The following NREP variants were observed in gnomAD, a reference collection of about 807,000 sequenced individuals.
NREP encodes neuronal regeneration related protein.
A neutral mutation model predicts 8.6 loss-of-function variants in NREP; 5 were observed. The ratio of observed to expected loss-of-function variants is 0.58; its 90% CI spans 0.30 to 1.22. The LOEUF (loss-of-function observed/expected upper bound fraction) is 1.22, where lower values mean the gene tolerates loss of function less well. Ranked by LOEUF, NREP falls within the 50% of genes most tolerant of loss-of-function variation. The pLI, the probability that NREP is intolerant of heterozygous loss-of-function variation, is 0.07. For missense variants in NREP, 86 were observed against 82.5 expected, an observed-to-expected ratio of 1.04 and a Z score of -0.17; for synonymous variants, 27 against 28.0, an observed-to-expected ratio of 0.96 and a Z score of 0.11.
chr5:111,814,302 A>G (rs1343911917), intron 2 of NREP, among the ~76,000 whole-genome samples: 1 of 152,154 alleles, frequency 6.6e-6, no homozygotes, highest in African/African-American at 2.4e-5. Flanking sequence ...AAATTTTCAA[A>G]TGTTTAATCA....
intron 2 of NREP, among the ~76,000 whole-genome samples, chr5:111,823,507 T>C (rs1752555452): frequency 6.6e-6 from 1 of 152,198 alleles, no homozygotes; most frequent in Non-Finnish European, 1.5e-5. Flanking sequence ...AAGAAAAATG[T>C]CCAGTTGTTA....
At chr5:111,766,194 T>A (rs189005151) in intron 2 of NREP, among the ~76,000 whole-genome samples, 1 of 152,362 alleles carries the variant, frequency 6.6e-6, no homozygotes, top group East Asian at 1.9e-4. Context: ...CTAGTCATTT[T>A]TTTTAAACAC....
At chr5:111,933,213 G>A (rs1182852412) in intron 2 of NREP, among the ~76,000 whole-genome samples, 2 of 152,020 alleles carry the variant, frequency 1.3e-5, no homozygotes, top group African/African-American at 4.8e-5. Context: ...CATGCCTATG[G>A]TTCTCTGTCT....
At chr5:111,808,023 TTC>T (rs1395145562) in intron 2 of NREP, among the ~76,000 whole-genome samples, 1 of 152,210 alleles carries the variant, frequency 6.6e-6, no homozygotes, top group Non-Finnish European at 1.5e-5. Context: ...AAATGACTTT[TTC>T]TCCTGCTTTA....
intron 2 of NREP, among the ~76,000 whole-genome samples, chr5:111,930,220 G>T (rs1445104370): frequency 6.6e-6 from 1 of 152,150 alleles, no homozygotes; most frequent in East Asian, 1.9e-4. Context: ...ACAGAGAGGA[G>T]ATGAGATATA....
chr5:111,939,654 C>T (rs1755777254), intron 2 of NREP, among the ~76,000 whole-genome samples: 1 of 152,046 alleles, frequency 6.6e-6, no homozygotes, highest in Non-Finnish European at 1.5e-5. Flanking sequence ...TTACCGTAAA[C>T]AAGTGTCCTT....
At chr5:111,907,423 C>G (rs959156305) in intron 2 of NREP, among the ~76,000 whole-genome samples, 3 of 152,026 alleles carry the variant, frequency 2.0e-5, no homozygotes, top group African/African-American at 7.2e-5. Flanking sequence ...GTTCCAGCAA[C>G]ATTTTTTGAA....
At chr5:111,964,818 G>A (rs775408686) in intron 2 of NREP, among the ~76,000 whole-genome samples, 3 of 125,912 alleles carry the variant, frequency 2.4e-5, no homozygotes, top group East Asian at 5.6e-4. Flanking sequence ...CTAGGTTGTG[G>A]AAGGTGCACA....
At chr5:111,782,940 C>G (rs1561664690) in intron 2 of NREP, among the ~76,000 whole-genome samples, 1 of 152,034 alleles carries the variant, frequency 6.6e-6, no homozygotes, top group Non-Finnish European at 1.5e-5. Flanking sequence ...GCTATGTTGG[C>G]CAGGCTGGTC....
intron 2 of NREP, among the ~76,000 whole-genome samples, chr5:111,879,280 C>T (rs1753988068): frequency 6.6e-6 from 1 of 152,108 alleles, no homozygotes; most frequent in Admixed American, 6.5e-5. Flanking sequence ...TGAAGGTTAC[C>T]CAGTCACAAG....
intron 2 of NREP, among the ~76,000 whole-genome samples, chr5:111,813,488 G>A (rs1752315204): frequency 1.3e-5 from 2 of 151,932 alleles, no homozygotes; most frequent in Admixed American, 6.6e-5. Context: ...ATTCGTTCAT[G>A]CTTATATTCC....
At chr5:111,769,545 G>A (rs1267591463) in intron 2 of NREP, among the ~76,000 whole-genome samples, 1 of 152,144 alleles carries the variant, frequency 6.6e-6, no homozygotes, top group Non-Finnish European at 1.5e-5. Flanking sequence ...TTGGGGGAGT[G>A]GGGTGTATTC....
intron 2 of NREP, among the ~76,000 whole-genome samples, chr5:111,753,943 A>G (rs1405944297): frequency 6.6e-6 from 1 of 152,342 alleles, no homozygotes; most frequent in African/African-American, 2.4e-5. Context: ...AAGACTTTTA[A>G]GATCTCAAGA....
intron 2 of NREP, among the ~76,000 whole-genome samples, chr5:111,969,965 T>C (rs1581261358): frequency 6.6e-6 from 1 of 152,320 alleles, no homozygotes; most frequent in Non-Finnish European, 1.5e-5. Context: ...CTATTAGACA[T>C]GTTGAACTGT....
chr5:111,842,512 A>T (rs1446787519), intron 2 of NREP, among the ~76,000 whole-genome samples: 2 of 152,182 alleles, frequency 1.3e-5, no homozygotes, highest in Non-Finnish European at 2.9e-5. Flanking sequence ...ATTTTATGTT[A>T]TTGCTGTCAC....
chr5:111,760,074 C>T (rs1449729809), upstream of NREP, among the ~76,000 whole-genome samples: 1 of 152,196 alleles, frequency 6.6e-6, no homozygotes, highest in Non-Finnish European at 1.5e-5. Flanking sequence ...AGATTGACTT[C>T]AGCTAAGATG....
In NREP at chr5:111,886,381, A is replaced by T. The variant is rs77491808; in HGVS notation, c.135+88893T>A. Among the ~76,000 whole-genome samples the T allele has an allele frequency of 1.0e-3, 158 of 152,048 alleles. 3 individuals carry two copies. The East Asian group carries it at 0.021, about 20-fold the overall frequency. ...ACTTTTACACTGTTGGTGGGACTGT[A>T]AACTAGTTCAGCCATTGTGGAAGTC... On this transcript the variant is annotated intron_variant, in intron 2 of 3. Transcript: ENST00000395634.
chr5:111,895,655 T>C (rs1239641151), intron 2 of NREP, among the ~76,000 whole-genome samples: 1 of 152,094 alleles, frequency 6.6e-6, no homozygotes, highest in African/African-American at 2.4e-5. Context: ...TTGGATATTA[T>C]TGATATTGAG....
chr5:111,947,484 A>G (rs959088218), intron 2 of NREP, among the ~76,000 whole-genome samples: 2 of 151,984 alleles, frequency 1.3e-5, no homozygotes, highest in African/African-American at 2.4e-5. Flanking sequence ...GTATTATGCA[A>G]TTATAATAGA....
Sources: allele counts gnomAD v4.1 joint callset (sites outside exome capture counted in the v4.1 genomes callset), GRCh38; gene constraint gnomAD v4.1.1; transcripts MANE v1.5; gene names NCBI Gene and HGNC (gene_info 2026-07-23, HGNC 2026-07-21).